The following DNAJB1 variants were observed in gnomAD, a reference collection of about 807,000 sequenced individuals.
DNAJB1 encodes DnaJ heat shock protein family (Hsp40) member B1.
Under a neutral mutation model 24.0 loss-of-function variants are expected in DNAJB1, and 14 were observed. That is an observed-to-expected ratio of 0.58 (90% CI 0.39 to 0.91). DNAJB1 has a LOEUF of 0.91. Among genes scored for constraint, DNAJB1 ranks in the 40% least tolerant of loss-of-function variants. The pLI is 0.00. For missense variants in DNAJB1, 517 were observed against 458.1 expected, an observed-to-expected ratio of 1.13 and a Z score of -1.17; for synonymous variants, 262 against 174.4, an observed-to-expected ratio of 1.50 and a Z score of -3.96.
chr19:14,534,773 A>G (rs2072804507), upstream of DNAJB1, among the ~76,000 whole-genome samples: 1 of 152,152 alleles, frequency 6.6e-6, no homozygotes, highest in South Asian at 2.1e-4. Flanking sequence ...TCAGATGGGA[A>G]CTACTGTTCT....
chr19:14,540,289 C>T (rs1037585245), intron 1 of DNAJB1, among the ~76,000 whole-genome samples: 46 of 151,954 alleles, frequency 3.0e-4, no homozygotes, highest in African/African-American at 9.7e-4. Context: ...AGGATGGTCT[C>T]GATCTCCTGA....
At chr19:14,555,260 GT>G (rs1276107501), upstream of DNAJB1, among the ~76,000 whole-genome samples, 1 of 150,420 alleles carries the variant, frequency 6.6e-6, no homozygotes, top group African/African-American at 2.4e-5. Flanking sequence ...TTTTATTTTT[GT>G]TTTTTGAGAT....
upstream of DNAJB1, among the ~76,000 whole-genome samples, chr19:14,552,526 T>C (rs190878067): frequency 1.9e-3 from 293 of 151,256 alleles, 2 homozygotes; most frequent in South Asian, 0.012. Flanking sequence ...CACAGTCTTT[T>C]TCTTTTCTTT....
At chr19:14,530,634 G>A (rs2146544969), upstream of DNAJB1, 1 of 152,240 alleles carries the variant, frequency 6.6e-6, no homozygotes, top group East Asian at 1.9e-4. Flanking sequence ...AAGGCCCCTA[G>A]TTAGTAAATG....
chr19:14,551,895 TTCTC>T (rs140348006), upstream of DNAJB1, among the ~76,000 whole-genome samples: 15 of 145,252 alleles, frequency 1.0e-4, no homozygotes, highest in Admixed American at 3.4e-4. Flanking sequence ...TTTCTTTCCT[TTCTC>T]TCTCTCTCTC....
At chr19:14,558,722 C>A (rs1179806829) in intron 1 of DNAJB1, among the ~76,000 whole-genome samples, 14 of 152,192 alleles carry the variant, frequency 9.2e-5, no homozygotes, top group Admixed American at 9.2e-4. Context: ...TAGCCCCCCT[C>A]CCACAGGTAT....
At chr19:14,533,361 A>G (rs2072745784), upstream of DNAJB1, among the ~76,000 whole-genome samples, 1 of 151,634 alleles carries the variant, frequency 6.6e-6, no homozygotes, top group Non-Finnish European at 1.5e-5. Flanking sequence ...TGGAGGTTGC[A>G]GTGAGCTGAG....
chr19:14,548,107 C>T lies in DNAJB1; in HGVS notation c.-214+2101G>A, dbSNP rs189143241. Among the ~76,000 whole-genome samples the T allele has an allele frequency of 1.5e-3, 225 of 151,726 alleles. No homozygotes were observed. In the South Asian group the frequency reaches 0.019, roughly 13 times the overall value. Reference sequence around the variant, plus strand: ...CCTCCCAAGTAGCTGGGACTACAGGCGCCCACCACCATGCCCAGCTAATTT... The same window carrying T: ...CCTCCCAAGTAGCTGGGACTACAGGTGCCCACCACCATGCCCAGCTAATTT... On this transcript the variant is annotated intron_variant, in intron 1 of 3. Coordinates refer to the DNAJB1 transcript ENST00000676982.
At chr19:14,553,257 T>C (rs949246877), upstream of DNAJB1, among the ~76,000 whole-genome samples, 1 of 152,188 alleles carries the variant, frequency 6.6e-6, no homozygotes, top group Non-Finnish European at 1.5e-5. Context: ...CCGCTGCCTC[T>C]GCACCTGGCC....
chr19:14,542,347 G>GTTTTTTTTTTTTTTTT lies in DNAJB1; in HGVS notation c.-214+7845_-214+7860dup, dbSNP rs71166754. ...CCTCAGGGGGCCCTCATGCCATAGT[G>GTTTTTTTTTTTTTTTT]TTTTTTTTTTTTTTTTTTTTTTTTT... On this transcript the variant is annotated intron_variant, in intron 1 of 3. Transcript: ENST00000676982. Among the ~76,000 whole-genome samples the GTTTTTTTTTTTTTTTT allele has an allele frequency of 1.3e-3, 57 of 43,300 alleles. 12 individuals are homozygous for GTTTTTTTTTTTTTTTT. The highest frequency in any genetic ancestry group is 1.9e-3 in the South Asian group (2 of 1,080). The allele number at this position is 43,300 out of a possible 152,430, so 28.4% of individuals were successfully genotyped here. A position where few individuals can be genotyped will look rare whatever the true frequency, so the allele number is the denominator to read the frequency against.
intron 1 of DNAJB1, among the ~76,000 whole-genome samples, chr19:14,538,329 CA>C (rs1455961979): frequency 6.6e-6 from 1 of 152,062 alleles, no homozygotes; most frequent in Admixed American, 6.6e-5. Flanking sequence ...TCAGTTTTGT[CA>C]CCCTGTGAGG....
intron 1 of DNAJB1, among the ~76,000 whole-genome samples, chr19:14,535,524 A>T (rs1395596334): frequency 8.4e-5 from 5 of 59,270 alleles, no homozygotes; most frequent in African/African-American, 2.5e-4. Context: ...AAAAAAAAAA[A>T]AAAAAAAAAA....
intron 1 of DNAJB1, among the ~76,000 whole-genome samples, chr19:14,541,872 T>G (rs1383284150): frequency 6.6e-6 from 1 of 151,144 alleles, no homozygotes; most frequent in African/African-American, 2.4e-5. Flanking sequence ...AACCTTCGCC[T>G]CCTGGGTTCA....
In DNAJB1 at chr19:14,516,925, G is replaced by A. The variant is rs529572906; in HGVS notation, c.333C>T (p.Pro111=). ...MFAEFFGGRN[P]FDTFFGQRNG... ...TCCGCTGCCCAAAAAAGGTGTCAAAGGGATTTCTGCCACCGAAGAACTCAG... is the reference window on the plus strand; with the variant it reads ...TCCGCTGCCCAAAAAAGGTGTCAAAAGGATTTCTGCCACCGAAGAACTCAG... Residue 111 remains proline, a synonymous_variant, in exon 2 of 3, where the codon CCC becomes CCT. Coordinates refer to ENST00000254322, the MANE Select transcript of DNAJB1 (RefSeq NM_006145.3). 3.7e-6 allele frequency: 6 copies of A among 1,614,036 alleles called. No individual in the cohort carries two copies. Among genetic ancestry groups the A allele is most frequent in the South Asian group, 3.3e-5 (3 of 91,082 alleles).
At chr19:14,557,932 T>C (rs1401323245) in intron 1 of DNAJB1, among the ~76,000 whole-genome samples, 7 of 151,918 alleles carry the variant, frequency 4.6e-5, no homozygotes, top group Non-Finnish European at 7.4e-5. Context: ...ATTTTTTGTA[T>C]TTTTAGTAGA....
intron 2 of DNAJB1, among the ~76,000 whole-genome samples, chr19:14,525,333 G>T (rs199649975): frequency 1.4e-5 from 2 of 147,612 alleles, no homozygotes; most frequent in African/African-American, 2.5e-5. Context: ...TACTTTTTTT[G>T]TTTTTTTTTT....
intron 1 of DNAJB1, among the ~76,000 whole-genome samples, chr19:14,542,767 A>G (rs1335490577): frequency 2.6e-5 from 4 of 152,038 alleles, no homozygotes; most frequent in Non-Finnish European, 5.9e-5. Context: ...GACTCACCCC[A>G]GTTACATGGT....
At chr19:14,549,745 C>T (rs537944278) in intron 1 of DNAJB1, among the ~76,000 whole-genome samples, 40 of 152,062 alleles carry the variant, frequency 2.6e-4, no homozygotes, top group South Asian at 2.1e-4. Context: ...GAGTTTGAGA[C>T]GAGCCTGACC....
At chr19:14,535,506 CAAAAAAAAAAAAAAAAAAAAAAA>C (rs1172079027) in intron 1 of DNAJB1, among the ~76,000 whole-genome samples, 4 of 17,176 alleles carry the variant, frequency 2.3e-4, no homozygotes, top group African/African-American at 5.6e-4. Flanking sequence ...GACTCCGTCT[CAAAAAAAAAAAAAAAAAAAAAAA>C]AAAAAAAAAA....
Sources: gnomAD v4.1 joint callset for allele counts (sites outside exome capture counted in the v4.1 genomes callset) on GRCh38, gnomAD v4.1.1 for gene constraint, MANE v1.5 for transcripts, NCBI Gene and HGNC (gene_info 2026-07-23, HGNC 2026-07-21) for gene names.